Variants in ITGAM observed in about 807,000 individuals in gnomAD.
ITGAM encodes the protein integrin alpha-M.
Under a neutral mutation model 137.5 loss-of-function variants are expected in ITGAM, and 79 were observed. That is an observed-to-expected ratio of 0.57 (90% CI 0.48 to 0.69). The LOEUF (loss-of-function observed/expected upper bound fraction) is 0.69. Among genes scored for constraint, ITGAM ranks in the 30% least tolerant of loss-of-function variants. The pLI, the probability that ITGAM is intolerant of heterozygous loss-of-function variation, is 0.00. For synonymous variants in ITGAM, 583 were observed against 592.3 expected, an observed-to-expected ratio of 0.98 and a Z score of 0.23; for missense variants, 1,343 against 1,483.5, an observed-to-expected ratio of 0.91 and a Z score of 1.56.
At chr16:31,265,687 A>G in intron 3 of ITGAM, 124 bp from the exon 4 acceptor site, 1 of 865,886 alleles carries the variant, frequency 1.2e-6, no homozygotes, top group Non-Finnish European at 1.8e-6. Context: ...CTTTCCCAAG[A>G]TTTAGGATCC....
chr16:31,308,282 C>CT (rs1048161179), intron 14 of ITGAM, among the ~76,000 whole-genome samples: 3 of 151,920 alleles, frequency 2.0e-5, no homozygotes, highest in Non-Finnish European at 2.9e-5. Context: ...TGGTCCTGGA[C>CT]TTTTTTTTGG....
At chr16:31,268,129 C>T (rs1230701500) in intron 5 of ITGAM, among the ~76,000 whole-genome samples, 1 of 152,146 alleles carries the variant, frequency 6.6e-6, no homozygotes, top group African/African-American at 2.4e-5. Context: ...ACCCTCACCA[C>T]CCAAGCTTCC....
chr16:31,330,446 C>A (rs370751873), intron 27 of ITGAM, 25 bp downstream of exon 27: 6 of 1,610,330 alleles, frequency 3.7e-6, no homozygotes, highest in Non-Finnish European at 4.2e-6. Flanking sequence ...GAGGCTTCGC[C>A]GGGCACAGGC....
chr16:31,322,311 G>A (rs2144484989), intron 16 of ITGAM, among the ~76,000 whole-genome samples: 2 of 152,246 alleles, frequency 1.3e-5, no homozygotes, highest in East Asian at 1.9e-4. Context: ...TACCTTTCTA[G>A]GAACAGTTTT....
Position 31,271,076 on chromosome 16 carries a change from A to T in ITGAM, c.550A>T (p.Lys184Ter). 1 of 1,569,776 alleles carries T rather than the reference A, an allele frequency of 6.4e-7. No individual in the cohort carries two copies. Among genetic ancestry groups the T allele is most frequent in the Non-Finnish European group, 8.7e-7 (1 of 1,153,346 alleles). ...TGTGATGGAGCAATTAAAAAAGTCC[A>T]AAACCTTGGTGAGGGCCCAGGGGTA... ...STVMEQLKKS[K>*]TLFSLMQYSE... The change falls in exon 6 of 30, where the codon AAA becomes TAA. Residue 184 changes from lysine (K) to a stop codon, truncating the protein, a stop_gained. Transcript: ENST00000544665. LOFTEE classifies it high-confidence loss of function.
At position 31,325,515 on chromosome 16, in the gene ITGAM, C is replaced by T; in HGVS notation, c.2521C>T (p.Arg841Ter). 3.7e-6 allele frequency: 6 copies of T among 1,613,966 alleles called. No homozygotes were observed. The highest frequency in any genetic ancestry group is 4.2e-6 in the Non-Finnish European group (5 of 1,179,878). ...TGCCTTCCAGAACCAGCGCTCACAGCGATCCTGGCGCCTGGCCTGTGAGTC... is the reference window on the plus strand; with the variant it reads ...TGCCTTCCAGAACCAGCGCTCACAGTGATCCTGGCGCCTGGCCTGTGAGTC... ...VSTLQNQRSQ[R>*]SWRLACESAS... Residue 841 changes from arginine to a stop codon, truncating the protein, a stop_gained, in exon 21 of 30, where the codon CGA becomes TGA. Transcript: ENST00000544665. LOFTEE classifies it high-confidence loss of function.
At position 31,331,830 on chromosome 16, in the gene ITGAM, T is replaced by C. The variant is rs2080588313; in HGVS notation, c.*123T>C. 1 of 735,908 alleles carries C rather than the reference T, an allele frequency of 1.4e-6. No homozygotes were observed. Among genetic ancestry groups the C allele is most frequent in the Non-Finnish European group, 2.2e-6 (1 of 445,648 alleles). The allele number at this position is 735,908 out of a possible 1,614,324, so 45.6% of individuals were successfully genotyped here. Reference sequence around the variant, plus strand: ...ATCCCCGACAGGACGGGCTTGGGCTTCCATTTGTGTGTGTGCAAGTGTGTA... The same window carrying C: ...ATCCCCGACAGGACGGGCTTGGGCTCCCATTTGTGTGTGTGCAAGTGTGTA... On this transcript the variant is annotated 3_prime_UTR_variant, in exon 30 of 30. Transcript: ENST00000544665.
At chr16:31,297,433 T>C in intron 12 of ITGAM, 81 bp from the exon 13 acceptor site, 1 of 1,579,636 alleles carries the variant, frequency 6.3e-7, no homozygotes, top group South Asian at 1.1e-5. Flanking sequence ...CCAGCAGGCA[T>C]AACTTTTCTT....
intron 14 of ITGAM, among the ~76,000 whole-genome samples, chr16:31,309,987 C>A (rs1249903265): frequency 6.6e-6 from 1 of 151,770 alleles, no homozygotes; most frequent in East Asian, 1.9e-4. Context: ...GGCCCCCACT[C>A]TCTTCTGGCT....
At chr16:31,266,004 C>A in intron 4 of ITGAM, 26 bp from the exon 5 acceptor site, 1 of 1,600,466 alleles carries the variant, frequency 6.2e-7, no homozygotes, top group Non-Finnish European at 8.6e-7. Flanking sequence ...CAGGGGCAGC[C>A]CCTTCCACTG....
At chr16:31,292,625 C>T (rs12102791) in intron 12 of ITGAM, among the ~76,000 whole-genome samples, 35,552 of 151,932 alleles carry the variant, frequency 0.23, 6,488 homozygotes, top group African/African-American at 0.51. Flanking sequence ...TAGTATTCCA[C>T]GGTGTATATG....
At chr16:31,280,913 A>C (rs2144324340) in intron 12 of ITGAM, among the ~76,000 whole-genome samples, 1 of 152,282 alleles carries the variant, frequency 6.6e-6, no homozygotes, top group African/African-American at 2.4e-5. Flanking sequence ...GTTTATTTAG[A>C]GTTTTCAGCA....
chr16:31,324,573 G>T lies in ITGAM; in HGVS notation c.2157+20G>T. On this transcript the variant is annotated intron_variant, in intron 17 of 29. Coordinates refer to ENST00000544665, the MANE Select transcript of ITGAM (RefSeq NM_000632.4). This position sits in a 1 kb window ranked among gnomAD's most constrained non-coding sequence, Gnocchi z 4.5. The stretch of plus-strand genomic sequence containing the variant: ...TTGCCGGTGAGCAGGCTAGTGGCCA[G>T]ACCCCTGGGTCTTCCAAGCATGGAG... The T allele has an allele frequency of 1.2e-6, 2 of 1,610,156 alleles. No individual in the cohort carries two copies. Among genetic ancestry groups the T allele is most frequent in the East Asian group, 2.2e-5 (1 of 44,766 alleles).
chr16:31,262,332 CT>C (rs2079710551), intron 2 of ITGAM, among the ~76,000 whole-genome samples: 2 of 94,720 alleles, frequency 2.1e-5, no homozygotes, highest in African/African-American at 1.2e-4. Context: ...CCTTCCCTCC[CT>C]TCCATCCTTC....
intron 14 of ITGAM, among the ~76,000 whole-genome samples, chr16:31,316,473 G>A (rs1597030207): frequency 6.6e-6 from 1 of 151,960 alleles, no homozygotes; most frequent in Non-Finnish European, 1.5e-5. Context: ...ATTGGTCAAT[G>A]TCTCTGTTTT....
At position 31,314,731 on chromosome 16, in the gene ITGAM, T is replaced by C. The variant is rs371840677; in HGVS notation, c.1708-6510T>C. On this transcript the variant is annotated intron_variant, in intron 14 of 29. Coordinates refer to ENST00000544665, the MANE Select transcript of ITGAM (RefSeq NM_000632.4). The stretch of plus-strand genomic sequence containing the variant: ...ATATGGGCTCTTTTTTGGCTGCATA[T>C]GAAATTTAAAGTAGTTTTCACAAGA... Among the ~76,000 whole-genome samples, 11 of 152,204 alleles carry C rather than the reference T, an allele frequency of 7.2e-5. 1 individual carries two copies. The highest frequency in any genetic ancestry group is 6.8e-3 in the Middle Eastern group (2 of 294).
chr16:31,331,860 C>CGTGTGTGCGAGTGTGTGCGA lies in ITGAM; in HGVS notation c.*161_*162insGAGTGTGTGCGAGTGTGTGC, dbSNP rs57606641. 2 of 609,502 alleles carry CGTGTGTGCGAGTGTGTGCGA rather than the reference C, an allele frequency of 3.3e-6. No individual in the cohort carries two copies. The highest frequency in any genetic ancestry group is 2.9e-6 in the Non-Finnish European group (1 of 345,036). The allele number at this position is 609,502 out of a possible 1,614,324, so 37.8% of individuals were successfully genotyped here. A position where few individuals can be genotyped will look rare whatever the true frequency, so the allele number is the denominator to read the frequency against. The stretch of plus-strand genomic sequence containing the variant: ...TTGTGTGTGTGCAAGTGTGTATGTG[C>CGTGTGTGCGAGTGTGTGCGA]GTGTGTGCAAGTGTCTGTGTGCAAG... On this transcript the variant is annotated 3_prime_UTR_variant, in exon 30 of 30. Coordinates refer to ENST00000544665, the MANE Select transcript of ITGAM (RefSeq NM_000632.4).
intron 14 of ITGAM, among the ~76,000 whole-genome samples, chr16:31,302,475 CTTTCTTTCT>C (rs1241694719): frequency 0.017 from 1,447 of 85,826 alleles, 33 homozygotes; most frequent in African/African-American, 0.08. Flanking sequence ...TTCTTTCTTT[CTTTCTTTCT>C]TTTTTCTTTC....
chr16:31,283,841 C>T (rs571410744), intron 12 of ITGAM, among the ~76,000 whole-genome samples: 193 of 152,324 alleles, frequency 1.3e-3, no homozygotes, highest in African/African-American at 4.4e-3. Flanking sequence ...GCTCTGGTTT[C>T]TCCCCATCTT....
Sources: allele counts gnomAD v4.1 joint callset (sites outside exome capture counted in the v4.1 genomes callset), GRCh38; gene constraint gnomAD v4.1.1; non-coding constraint Gnocchi (gnomAD v3.1); transcripts MANE v1.5; gene names NCBI Gene and HGNC (gene_info 2026-07-23, HGNC 2026-07-21).